The following LARP1B variants were observed in gnomAD, a reference collection of about 807,000 sequenced individuals.
LARP1B encodes La ribonucleoprotein 1B.
In LARP1B, 76 loss-of-function variants were observed where a neutral mutation model predicts 114.2. The ratio of observed to expected loss-of-function variants is 0.67; its 90% CI spans 0.55 to 0.81. The LOEUF (loss-of-function observed/expected upper bound fraction) is 0.81. Ranked by LOEUF, LARP1B falls within the 30% of genes least tolerant of loss-of-function variation. LARP1B has a pLI of 0.00. For synonymous variants in LARP1B, 345 were observed against 348.0 expected, an observed-to-expected ratio of 0.99 and a Z score of 0.10; for missense variants, 1,014 against 1,075.8, an observed-to-expected ratio of 0.94 and a Z score of 0.80.
chr4:128,173,892 A>G lies in LARP1B; in HGVS notation c.1649-2980A>G, dbSNP rs549691819. Among the ~76,000 whole-genome samples, 5 of 152,354 alleles carry G rather than the reference A, an allele frequency of 3.3e-5. No individual in the cohort carries two copies. In the South Asian group the frequency reaches 1.0e-3, roughly 32 times the overall value. On this transcript the variant is annotated intron_variant, in intron 12 of 19. Coordinates refer to ENST00000326639, the MANE Select transcript of LARP1B (RefSeq NM_018078.4). ...TTTTAGAACAATTCCATCATACTAA[A>G]GAGTTCCTCATGCACATTTGCAGTC...
intron 11 of LARP1B, among the ~76,000 whole-genome samples, chr4:128,157,644 G>A (rs570460693): frequency 5.5e-4 from 84 of 152,252 alleles, no homozygotes; most frequent in South Asian, 8.3e-4. Context: ...AAATAATGGA[G>A]GTGAGGGAAC....
chr4:128,100,575 T>C (rs769050655), intron 8 of LARP1B, among the ~76,000 whole-genome samples: 2 of 151,986 alleles, frequency 1.3e-5, no homozygotes, highest in African/African-American at 2.4e-5. Context: ...CCTGGACTCA[T>C]TGTGGTTTTA....
rs1445124526 is a variant in LARP1B, at chr4:128,121,838, G to C, written c.1174G>C (p.Val392Leu). 6.3e-7 allele frequency: 1 copy of C among 1,575,818 alleles called. No individual in the cohort carries two copies. Among genetic ancestry groups the C allele is most frequent in the East Asian group, 2.2e-5 (1 of 44,530 alleles). ...TTTCTTCCTTCAGGAATCAGTGTCT[G>C]TCCCTGAAGGGTCATTAAATCAGCT... ...APVKLRESVS[V>L]PEGSLNQLCS... is the part of the protein sequence containing the mutation. Residue 392 changes from valine to leucine, a missense_variant, in exon 11 of 20, where the codon GTC (valine) becomes CTC (leucine). Transcript: ENST00000326639.
rs1561201033 is a variant in LARP1B at position 128,098,769 on chromosome 4, T to TATATA, written c.813+439_813+440insATATA. ...TGTGTATATATATATATATATATATTTTTTTTTTTTTTTTTTTTTTTTTTT... is the reference window on the plus strand; with the variant it reads ...TGTGTATATATATATATATATATATTATATATTTTTTTTTTTTTTTTTTTTTTTTT... On this transcript the variant is annotated intron_variant, in intron 8 of 19. Coordinates refer to ENST00000326639, the MANE Select transcript of LARP1B (RefSeq NM_018078.4). Among the ~76,000 whole-genome samples, 7 of 14,426 alleles carry TATATA rather than the reference T, an allele frequency of 4.9e-4. 1 individual carries two copies. The highest frequency in any genetic ancestry group is 1.3e-3 in the African/African-American group (5 of 3,716). 9.5% of individuals were successfully genotyped at this position (14,426 alleles called of 152,430 possible).
Position 128,210,053 on chromosome 4 carries a change from A to C in LARP1B, c.2745A>C (p.Ter915TyrextTer13). ...ISPESSDNSH[*>Y] is the part of the protein sequence containing the mutation. ...CGGAGTCCAGTGACAATTCACATTA[A>C]ACAGTGCTGCCTGTGTCCTGTGGTC... The change falls in exon 20 of 20, where the codon TAA becomes TAC. Residue 915 changes from the stop codon to tyrosine, a stop_lost. Coordinates refer to ENST00000326639, the MANE Select transcript of LARP1B (RefSeq NM_018078.4). 6.2e-7 allele frequency: 1 copy of C among 1,613,964 alleles called. No homozygotes were observed. Among genetic ancestry groups the C allele is most frequent in the Non-Finnish European group, 8.5e-7 (1 of 1,179,848 alleles).
chr4:128,181,748 T>C (rs1384699692), intron 15 of LARP1B, among the ~76,000 whole-genome samples: 1 of 152,012 alleles, frequency 6.6e-6, no homozygotes, highest in Non-Finnish European at 1.5e-5. Flanking sequence ...TGTCTCTGTG[T>C]CACCTTTTGG....
rs1785189986 is a variant in LARP1B at position 128,114,642 on chromosome 4, A to G, written c.1061A>G (p.Gln354Arg). The G allele has an allele frequency of 6.2e-7, 1 of 1,613,986 alleles. No homozygotes were observed. Among genetic ancestry groups the G allele is most frequent in the Non-Finnish European group, 8.5e-7 (1 of 1,179,850 alleles). ...PKKNSETSIL[Q>R]AMSRGLSTSL... ...AAAAACAGTGAAACAAGTATTCTTCAAGCAATGTCTAGAGGTTTGTCTACC... is the reference window on the plus strand; with the variant it reads ...AAAAACAGTGAAACAAGTATTCTTCGAGCAATGTCTAGAGGTTTGTCTACC... The change falls in exon 10 of 20, where the codon CAA (glutamine) becomes CGA (arginine). Residue 354 changes from glutamine (Q) to arginine (R), a missense_variant. Transcript: ENST00000326639.
At chr4:128,188,076 ATTT>A (rs111868788) in intron 15 of LARP1B, among the ~76,000 whole-genome samples, 1 of 142,112 alleles carries the variant, frequency 7.0e-6, no homozygotes, top group Non-Finnish European at 1.5e-5. Context: ...AGTCTCGGGT[ATTT>A]TTTTTTTTTT....
In LARP1B at chr4:128,210,940, A is replaced by G. The variant is rs1758875139; in HGVS notation, c.*887A>G. ...ATACATCTGCAAGTGGGTATGTCAT[A>G]AGGAGTCAGATTATCTTTAATTTAA... On this transcript the variant is annotated 3_prime_UTR_variant, in exon 20 of 20. Coordinates refer to ENST00000326639, the MANE Select transcript of LARP1B (RefSeq NM_018078.4). 5.3e-6 allele frequency: 5 copies of G among 945,172 alleles called. No individual in the cohort carries two copies. Among genetic ancestry groups the G allele is most frequent in the Non-Finnish European group, 5.0e-6 (4 of 793,318 alleles). The allele number at this position is 945,172 out of a possible 1,614,324, so 58.5% of individuals were successfully genotyped here. A position where few individuals can be genotyped will look rare whatever the true frequency, so the allele number is the denominator to read the frequency against.
intron 3 of LARP1B, among the ~76,000 whole-genome samples, chr4:128,075,547 CTTT>C (rs1160065059): frequency 6.9e-6 from 1 of 144,790 alleles, no homozygotes; most frequent in African/African-American, 2.5e-5. Context: ...TCTTTCTTTT[CTTT>C]TTTTTTTTTT....
At chr4:128,071,386 C>T (rs925325337) in intron 1 of LARP1B, among the ~76,000 whole-genome samples, 20 of 149,994 alleles carry the variant, frequency 1.3e-4, no homozygotes, top group African/African-American at 3.9e-4. Flanking sequence ...ACTGATACTC[C>T]CACTATTAGA....
At chr4:128,219,185 A>G (rs911144586) in intron 6 of LARP1B, among the ~76,000 whole-genome samples, 2 of 149,506 alleles carry the variant, frequency 1.3e-5, no homozygotes, top group Admixed American at 1.3e-4. Context: ...GAACACTTTG[A>G]CACTGTTGGT....
intron 7 of LARP1B, among the ~76,000 whole-genome samples, chr4:128,096,945 C>A (rs1208945349): frequency 1.3e-5 from 2 of 152,042 alleles, no homozygotes; most frequent in African/African-American, 4.8e-5. Context: ...CTCGCCCAGG[C>A]TGGAGTATAG....
At chr4:128,076,221 T>G (rs868809560) in intron 3 of LARP1B, among the ~76,000 whole-genome samples, 3 of 152,092 alleles carry the variant, frequency 2.0e-5, no homozygotes, top group Admixed American at 1.3e-4. Flanking sequence ...GCCATGTTGG[T>G]CTCGAACTCC....
At chr4:128,129,885 A>G (rs553650131) in intron 11 of LARP1B, among the ~76,000 whole-genome samples, 10 of 152,360 alleles carry the variant, frequency 6.6e-5, no homozygotes, top group African/African-American at 2.4e-4. Context: ...ATCGTCCAAA[A>G]TGTAAAAGAC....
At chr4:128,081,622 G>A (rs1262029733) in intron 4 of LARP1B, among the ~76,000 whole-genome samples, 1 of 151,948 alleles carries the variant, frequency 6.6e-6, no homozygotes, top group Admixed American at 6.6e-5. Flanking sequence ...CCAACTATGG[G>A]GATTGTACTT....
intron 18 of LARP1B, 88 bp downstream of exon 18, chr4:128,206,625 T>G (rs1010792458): frequency 6.7e-7 from 1 of 1,497,908 alleles, no homozygotes; most frequent in Non-Finnish European, 8.9e-7. Context: ...CATAGTTTTT[T>G]TCTTCAGGGC....
Position 128,144,773 on chromosome 4 carries a change from T to G in LARP1B, c.1525-17421T>G, listed in dbSNP as rs372939469. Among the ~76,000 whole-genome samples the G allele has an allele frequency of 2.6e-5, 4 of 152,294 alleles. No individual in the cohort carries two copies. The East Asian group carries it at 7.7e-4, about 29-fold the overall frequency. ...GTAAAAGTTTTTCAGTTCTGGAATTTCCATTTTTTATAGTTTGCATTTTTT... is the reference window on the plus strand; with the variant it reads ...GTAAAAGTTTTTCAGTTCTGGAATTGCCATTTTTTATAGTTTGCATTTTTT... On this transcript the variant is annotated intron_variant, in intron 11 of 19. Coordinates refer to ENST00000326639, the MANE Select transcript of LARP1B (RefSeq NM_018078.4).
chr4:128,127,832 AAAAC>A (rs768698561), intron 11 of LARP1B, among the ~76,000 whole-genome samples: 2 of 152,190 alleles, frequency 1.3e-5, no homozygotes, highest in South Asian at 2.1e-4. Context: ...GAAAACTCGC[AAAAC>A]AAACAAAAAA....
Sources: allele counts gnomAD v4.1 joint callset (sites outside exome capture counted in the v4.1 genomes callset), GRCh38; gene constraint gnomAD v4.1.1; transcripts MANE v1.5; gene names NCBI Gene and HGNC (gene_info 2026-07-23, HGNC 2026-07-21).